The following TTC7B variants were observed in gnomAD, a reference collection of about 807,000 sequenced individuals.
The protein encoded by TTC7B is tetratricopeptide repeat domain 7B.
Under a neutral mutation model 106.8 loss-of-function variants are expected in TTC7B, and 28 were observed. The ratio of observed to expected loss-of-function variants is 0.26; its 90% confidence interval spans 0.19 to 0.36. The LOEUF is 0.36. Ranked by LOEUF, TTC7B falls within the 10% of genes least tolerant of loss-of-function variation. The pLI, the probability that TTC7B is intolerant of heterozygous loss-of-function variation, is 1.00. For missense variants in TTC7B, 862 were observed against 1,076.4 expected, an observed-to-expected ratio of 0.80 and a Z score of 2.79; for synonymous variants, 405 against 430.6, an observed-to-expected ratio of 0.94 and a Z score of 0.74.
At chr14:90,604,551 CATT>C (rs1176240498) in intron 17 of TTC7B, among the ~76,000 whole-genome samples, 1 of 152,148 alleles carries the variant, frequency 6.6e-6, no homozygotes, top group African/African-American at 2.4e-5. Context: ...AAGATATGCA[CATT>C]AGAGATAGTG....
chr14:90,621,615 C>G (rs921795249), intron 15 of TTC7B, among the ~76,000 whole-genome samples: 5 of 152,198 alleles, frequency 3.3e-5, no homozygotes, highest in African/African-American at 4.8e-5. Flanking sequence ...ACAGGTTCAG[C>G]TGGGACAATG....
chr14:90,664,182 T>C (rs1157302510), intron 9 of TTC7B, among the ~76,000 whole-genome samples: 2 of 152,176 alleles, frequency 1.3e-5, no homozygotes, highest in Admixed American at 1.3e-4. Context: ...CCCTACCGTA[T>C]GTGTATGGGA....
At chr14:90,772,095 G>A (rs147013281) in intron 3 of TTC7B, among the ~76,000 whole-genome samples, 38 of 151,140 alleles carry the variant, frequency 2.5e-4, no homozygotes, top group Admixed American at 5.3e-4. Flanking sequence ...TTTTTAAATC[G>A]AAGGGATTGC....
intron 3 of TTC7B, among the ~76,000 whole-genome samples, chr14:90,770,540 C>A (rs1890830611): frequency 6.6e-6 from 1 of 151,938 alleles, no homozygotes; most frequent in African/African-American, 2.4e-5. Flanking sequence ...CCTGTAATCC[C>A]AACTTGGGAG....
chr14:90,699,351 C>G (rs967321056), intron 5 of TTC7B: 1 of 386,410 alleles, frequency 2.6e-6, no homozygotes, highest in Non-Finnish European at 5.0e-6. Context: ...GTGGCTACTT[C>G]AATAATAAGC....
intron 19 of TTC7B, among the ~76,000 whole-genome samples, chr14:90,566,335 A>G (rs1890796990): frequency 6.6e-6 from 1 of 151,468 alleles, no homozygotes; most frequent in Non-Finnish European, 1.5e-5. Flanking sequence ...CAAAAGTGAA[A>G]CTCTATCTCC....
chr14:90,762,857 G>T (rs537706944), intron 3 of TTC7B, among the ~76,000 whole-genome samples: 1 of 152,190 alleles, frequency 6.6e-6, no homozygotes, highest in Non-Finnish European at 1.5e-5. Flanking sequence ...GCAAGTAAAG[G>T]CTATTAAAAT....
chr14:90,752,011 G>A (rs79227369), intron 3 of TTC7B, among the ~76,000 whole-genome samples: 54 of 152,290 alleles, frequency 3.5e-4, no homozygotes, highest in African/African-American at 1.3e-3. Flanking sequence ...TGCACAGGGT[G>A]GAGTGTGGAA....
At chr14:90,698,154 T>C (rs987409834) in intron 5 of TTC7B, 2 of 152,232 alleles carry the variant, frequency 1.3e-5, no homozygotes, top group African/African-American at 4.8e-5. Flanking sequence ...CCAAACATGT[T>C]TAAATCACAT....
At chr14:90,763,277 C>T (rs183024598) in intron 3 of TTC7B, among the ~76,000 whole-genome samples, 1 of 152,138 alleles carries the variant, frequency 6.6e-6, no homozygotes, top group Non-Finnish European at 1.5e-5. Flanking sequence ...AAATAAAGCA[C>T]AAAAATTACA....
chr14:90,595,030 G>A (rs1383363275), intron 17 of TTC7B, among the ~76,000 whole-genome samples: 1 of 152,194 alleles, frequency 6.6e-6, no homozygotes, highest in Non-Finnish European at 1.5e-5. Context: ...GGAACTCAGA[G>A]GCTGAGTTAA....
intron 19 of TTC7B, among the ~76,000 whole-genome samples, chr14:90,572,597 A>G (rs1891077170): frequency 6.6e-6 from 1 of 152,196 alleles, no homozygotes; most frequent in Non-Finnish European, 1.5e-5. Flanking sequence ...TGTTTCAGAG[A>G]ACAGAAGATC....
chr14:90,735,972 C>T (rs1889506691), intron 4 of TTC7B, among the ~76,000 whole-genome samples: 1 of 151,866 alleles, frequency 6.6e-6, no homozygotes, highest in Non-Finnish European at 1.5e-5. Flanking sequence ...ATGTTAAAAC[C>T]TATCATAAAG....
chr14:90,679,773 T>C (rs1468500519), intron 8 of TTC7B, among the ~76,000 whole-genome samples: 2 of 152,234 alleles, frequency 1.3e-5, no homozygotes, highest in Non-Finnish European at 2.9e-5. Flanking sequence ...CCACAGCGCC[T>C]AGTGATAGAT....
chr14:90,793,611 T>TC (rs1324985889), intron 1 of TTC7B, among the ~76,000 whole-genome samples: 10 of 111,282 alleles, frequency 9.0e-5, no homozygotes, highest in Admixed American at 2.2e-4. Context: ...TTTTCTTTTT[T>TC]TCTTTTTTTT....
At chr14:90,699,538 A>G (rs1167467273) in intron 5 of TTC7B, among the ~76,000 whole-genome samples, 1 of 152,202 alleles carries the variant, frequency 6.6e-6, no homozygotes, top group Non-Finnish European at 1.5e-5. Flanking sequence ...AACTCAAAGT[A>G]GTAGTGTGAA....
intron 18 of TTC7B, among the ~76,000 whole-genome samples, chr14:90,586,828 C>T (rs1891734219): frequency 6.6e-6 from 1 of 152,196 alleles, no homozygotes; most frequent in Non-Finnish European, 1.5e-5. Context: ...AAGTCTCTGC[C>T]TCCCTGACTC....
rs867521816 is a variant in TTC7B, at chr14:90,701,140, A to T, written c.699-5562T>A. Among the ~76,000 whole-genome samples, 16 of 152,202 alleles carry T rather than the reference A, an allele frequency of 1.1e-4. 1 individual carries two copies. In the Middle Eastern group the frequency reaches 0.01, roughly 97 times the overall value. ...ATGGAGCAAGCCAGCTGCAGCCTGG[A>T]TATAGTGACGGAGGGTGTGACAGCC... On this transcript the variant is annotated intron_variant, in intron 5 of 19. Coordinates refer to ENST00000328459, the MANE Select transcript of TTC7B (RefSeq NM_001010854.2).
Position 90,525,271 on chromosome 14 carries a change from G to A in TTC7B, c.*16097C>T, listed in dbSNP as rs1889119943. On this transcript the variant is annotated 3_prime_UTR_variant, in exon 20 of 20. Transcript: ENST00000328459. ...TGGAGATTCACCCATGTTGCTGCAG[G>A]CACCAAGCCCCTCATATGGACAGAT... The A allele has an allele frequency of 6.6e-6, 1 of 152,232 alleles. No individual in the cohort carries two copies. Among genetic ancestry groups the A allele is most frequent in the Non-Finnish European group, 1.5e-5 (1 of 68,052 alleles). The allele number at this position is 152,232 out of a possible 1,614,324, so 9.4% of individuals were successfully genotyped here. A position where few individuals can be genotyped will look rare whatever the true frequency, so the allele number is the denominator to read the frequency against.
Sources: gnomAD v4.1 joint callset for allele counts (sites outside exome capture counted in the v4.1 genomes callset) on GRCh38, gnomAD v4.1.1 for gene constraint, MANE v1.5 for transcripts, NCBI Gene and HGNC (gene_info 2026-07-23, HGNC 2026-07-21) for gene names.